The following PACS1 variants were observed in gnomAD, a reference collection of about 807,000 sequenced individuals.
PACS1 encodes PACS-1.
A neutral mutation model predicts 115.0 loss-of-function variants in PACS1; 24 were observed. The ratio of observed to expected loss-of-function variants is 0.21; its 90% confidence interval spans 0.15 to 0.29. PACS1 has a LOEUF of 0.29. Among genes scored for constraint, PACS1 ranks in the 10% least tolerant of loss-of-function variants. The pLI is 1.00. For synonymous variants in PACS1, 453 were observed against 504.5 expected (o/e 0.90, Z 1.37); for missense variants, 838 against 1,251.2 (o/e 0.67, Z 4.98).
rs1211108770 is a variant in PACS1, at chr11:66,204,026, A to G, written c.445-6336A>G. Among the ~76,000 whole-genome samples the G allele has an allele frequency of 3.3e-5, 5 of 152,308 alleles. No individual in the cohort carries two copies. The East Asian group carries it at 9.6e-4, about 29-fold the overall frequency. On this transcript the variant is annotated intron_variant, in intron 2 of 23. Coordinates refer to ENST00000320580, the MANE Select transcript of PACS1 (RefSeq NM_018026.4). ...TCTTGTGTAATACCTGGCACTGGCA[A>G]CCAAAGCAAAAATGGACAAATGGGA...
chr11:66,240,854 T>C (rs1855798018), intron 21 of PACS1: 2 of 152,342 alleles, frequency 1.3e-5, no homozygotes, highest in African/African-American at 2.4e-5. Flanking sequence ...CCTGTGTACC[T>C]ATTGTGTCTG....
In PACS1 at chr11:66,099,219, G is replaced by T. The variant is rs549344989; in HGVS notation, c.356+28377G>T. Among the ~76,000 whole-genome samples the T allele has an allele frequency of 3.1e-3, 465 of 151,378 alleles. 2 individuals carry two copies. The highest frequency in any genetic ancestry group is 4.3e-3 in the Non-Finnish European group (292 of 67,738). Reference sequence around the variant, plus strand: ...ACACCACACCGGGCTAATAGTTATTGATTTATTTATTTATTTATTTTTGAG... The same window carrying T: ...ACACCACACCGGGCTAATAGTTATTTATTTATTTATTTATTTATTTTTGAG... On this transcript the variant is annotated intron_variant, in intron 1 of 23. Transcript: ENST00000320580.
At chr11:66,209,009 G>T (rs1182641391) in intron 2 of PACS1, among the ~76,000 whole-genome samples, 1 of 152,078 alleles carries the variant, frequency 6.6e-6, no homozygotes, top group African/African-American at 2.4e-5. Context: ...TTATTTGTGT[G>T]CTGGGAATCA....
chr11:66,153,582 C>T (rs905194318), intron 1 of PACS1, among the ~76,000 whole-genome samples: 2 of 152,078 alleles, frequency 1.3e-5, no homozygotes, highest in African/African-American at 4.8e-5. Context: ...GAGATCGAGA[C>T]CATCCTGGCT....
intron 2 of PACS1, among the ~76,000 whole-genome samples, chr11:66,202,907 A>G (rs1854850174): frequency 6.6e-6 from 1 of 151,718 alleles, no homozygotes; most frequent in Non-Finnish European, 1.5e-5. Context: ...CTTGTATCAG[A>G]CTGAACGGAG....
intron 1 of PACS1, among the ~76,000 whole-genome samples, chr11:66,137,488 C>T (rs1467015420): frequency 6.6e-6 from 1 of 152,118 alleles, no homozygotes; most frequent in Non-Finnish European, 1.5e-5. Flanking sequence ...CCAAGCAAAC[C>T]ACCACACACA....
chr11:66,119,479 A>C (rs1043321034), intron 1 of PACS1, among the ~76,000 whole-genome samples: 1 of 152,312 alleles, frequency 6.6e-6, no homozygotes, highest in Non-Finnish European at 1.5e-5. Flanking sequence ...TTAATGCTTT[A>C]ACTGCCCTAC....
chr11:66,196,071 G>T (rs1309896155), intron 2 of PACS1, among the ~76,000 whole-genome samples: 1 of 152,140 alleles, frequency 6.6e-6, no homozygotes, highest in African/African-American at 2.4e-5. Context: ...AGTGAAATAA[G>T]AAGATAAAAG....
At chr11:66,103,732 T>G (rs1857972337) in intron 1 of PACS1, among the ~76,000 whole-genome samples, 1 of 152,070 alleles carries the variant, frequency 6.6e-6, no homozygotes, top group Admixed American at 6.6e-5. Context: ...CAGGCTGGTC[T>G]CAAACTCTTG....
intron 22 of PACS1, 99 bp from the exon 23 acceptor site, chr11:66,242,813 C>A: frequency 6.6e-7 from 1 of 1,523,628 alleles, no homozygotes; most frequent in South Asian, 1.2e-5. Flanking sequence ...TGCAGATCAC[C>A]TCCCCTCGCC....
chr11:66,134,254 C>CTTTTTTTTTTTCTTT (rs1858780481), intron 1 of PACS1, among the ~76,000 whole-genome samples: 1 of 75,064 alleles, frequency 1.3e-5, no homozygotes, highest in Non-Finnish European at 2.3e-5. Flanking sequence ...TTTTCTTTTT[C>CTTTTTTTTTTTCTTT]TTTTTTTTTT....
In PACS1 at chr11:66,128,989, C is replaced by A. The variant is rs1378038056; in HGVS notation, c.356+58147C>A. 3.3e-5 allele frequency among the ~76,000 whole-genome samples: 5 copies of A among 151,896 alleles called. No homozygotes were observed. The South Asian group carries it at 6.2e-4, about 19-fold the overall frequency. ...GTGGCTGCAGAGGGGCACAAGGGAT[C>A]TTTTGGGGTGATGGGAATGATCTGC... On this transcript the variant is annotated intron_variant, in intron 1 of 23. Coordinates refer to ENST00000320580, the MANE Select transcript of PACS1 (RefSeq NM_018026.4).
chr11:66,125,701 A>C (rs1228603202), intron 1 of PACS1, among the ~76,000 whole-genome samples: 1 of 152,180 alleles, frequency 6.6e-6, no homozygotes, highest in Non-Finnish European at 1.5e-5. Flanking sequence ...GAAAACTGGG[A>C]TAATTCAGGT....
intron 1 of PACS1, among the ~76,000 whole-genome samples, chr11:66,122,009 A>G (rs1162386729): frequency 6.6e-6 from 1 of 152,180 alleles, no homozygotes; most frequent in Admixed American, 6.5e-5. Flanking sequence ...GATGCCATCT[A>G]GGACTTTCAT....
chr11:66,129,212 AC>A (rs1410954234), intron 1 of PACS1, among the ~76,000 whole-genome samples: 6 of 148,786 alleles, frequency 4.0e-5, no homozygotes, highest in Non-Finnish European at 9.0e-5. Context: ...TGGACAGATC[AC>A]CTGAAGTCAG....
chr11:66,223,935 A>G lies in PACS1; in HGVS notation c.1293+2688A>G, dbSNP rs576809151. Among the ~76,000 whole-genome samples, 12 of 152,290 alleles carry G rather than the reference A, an allele frequency of 7.9e-5. No individual in the cohort carries two copies. The South Asian group carries it at 2.5e-3, about 32-fold the overall frequency. On this transcript the variant is annotated intron_variant, in intron 10 of 23. Coordinates refer to ENST00000320580, the MANE Select transcript of PACS1 (RefSeq NM_018026.4). The stretch of plus-strand genomic sequence containing the variant: ...AGTTGAGGGCGGACACGGTGGCTCA[A>G]ACCTGTAATCCCAGCACTTTGGGAG...
At chr11:66,198,815 T>C (rs1445093324) in intron 2 of PACS1, among the ~76,000 whole-genome samples, 2 of 152,218 alleles carry the variant, frequency 1.3e-5, no homozygotes, top group African/African-American at 2.4e-5. Flanking sequence ...CACTAAATTA[T>C]TTTTGTTTGG....
rs75715853 is a variant in PACS1 at position 66,172,648 on chromosome 11, A to G, written c.357-20838A>G. ...ATCCTGAGCTAGGACCACCTAGCCCAGCTGCTTCTGAATCTCTGACACACA... is the reference window on the plus strand; with the variant it reads ...ATCCTGAGCTAGGACCACCTAGCCCGGCTGCTTCTGAATCTCTGACACACA... On this transcript the variant is annotated intron_variant, in intron 1 of 23. Transcript: ENST00000320580. Among the ~76,000 whole-genome samples the G allele has an allele frequency of 6.7e-3, 1,019 of 152,308 alleles. 4 individuals carry two copies. The highest frequency in any genetic ancestry group is 0.015 in the Admixed American group (234 of 15,294).
intron 11 of PACS1, among the ~76,000 whole-genome samples, chr11:66,229,780 A>G (rs936113512): frequency 1.9e-4 from 29 of 152,226 alleles, no homozygotes; most frequent in African/African-American, 6.7e-4. Context: ...CGTCTCTACT[A>G]AAAAAGAAAT....
Sources: gnomAD v4.1 joint callset for allele counts (sites outside exome capture counted in the v4.1 genomes callset) on GRCh38, gnomAD v4.1.1 for gene constraint, MANE v1.5 for transcripts, NCBI Gene and HGNC (gene_info 2026-07-23, HGNC 2026-07-21) for gene names.